The following THSD4 variants were observed in gnomAD, a reference collection of about 807,000 sequenced individuals.
THSD4 encodes the protein thrombospondin type 1 domain containing 4.
A neutral mutation model predicts 119.0 loss-of-function variants in THSD4; 69 were observed. The observed-to-expected ratio is 0.58, with a 90% CI of 0.48 to 0.71. The LOEUF is 0.71. Ranked by LOEUF, THSD4 falls within the 30% of genes least tolerant of loss-of-function variation. The pLI, the probability that THSD4 is intolerant of heterozygous loss-of-function variation, is 0.00. For synonymous variants in THSD4, 524 were observed against 540.4 expected (o/e 0.97, Z 0.42); for missense variants, 1,393 against 1,391.1 (o/e 1.00, Z -0.02).
intron 3 of THSD4, among the ~76,000 whole-genome samples, chr15:71,158,668 GT>G (rs1433171548): frequency 6.8e-6 from 1 of 147,522 alleles, no homozygotes. Context: ...TTTTTTTGAT[GT>G]TGAGTTATTT....
At chr15:71,475,414 C>T (rs1006949868) in intron 7 of THSD4, among the ~76,000 whole-genome samples, 99 of 152,212 alleles carry the variant, frequency 6.5e-4, no homozygotes, top group African/African-American at 2.4e-3. Context: ...CATACCTCTT[C>T]AATGACTATT....
At chr15:71,383,498 T>TA (rs1271718757) in intron 6 of THSD4, among the ~76,000 whole-genome samples, 1 of 152,242 alleles carries the variant, frequency 6.6e-6, no homozygotes, top group Non-Finnish European at 1.5e-5. Context: ...TATATTGCGA[T>TA]ATAAATTTAA....
At chr15:71,435,537 T>C (rs12593944) in intron 7 of THSD4, among the ~76,000 whole-genome samples, 39,805 of 152,184 alleles carry the variant, frequency 0.26, 5,345 homozygotes, top group Middle Eastern at 0.38. Context: ...AAGGCTTTTT[T>C]CATGGAAAGT....
chr15:71,112,058 GC>G, upstream of THSD4: 2 of 1,585,316 alleles, frequency 1.3e-6, no homozygotes. Flanking sequence ...TTCACACGTT[GC>G]TCTTATTCCA....
intron 8 of THSD4, among the ~76,000 whole-genome samples, chr15:71,682,476 C>G (rs2051802923): frequency 6.6e-6 from 1 of 152,182 alleles, no homozygotes; most frequent in Non-Finnish European, 1.5e-5. Flanking sequence ...GAAAGAACCA[C>G]TACCGTGATT....
chr15:71,289,029 T>C (rs149223511), intron 6 of THSD4, among the ~76,000 whole-genome samples: 243 of 152,326 alleles, frequency 1.6e-3, no homozygotes, highest in African/African-American at 5.7e-3. Context: ...GAAGTTGGAA[T>C]GAGAGTTTTA....
chr15:71,133,187 C>T (rs1596215163), intron 1 of THSD4, among the ~76,000 whole-genome samples: 1 of 152,134 alleles, frequency 6.6e-6, no homozygotes, highest in Non-Finnish European at 1.5e-5. Flanking sequence ...GTCTAGGTGT[C>T]TTTGATTCCT....
intron 3 of THSD4, among the ~76,000 whole-genome samples, chr15:71,169,817 G>A (rs1245096814): frequency 6.6e-6 from 1 of 152,186 alleles, no homozygotes; most frequent in African/African-American, 2.4e-5. Context: ...TGGTCTTGGT[G>A]CAGGGAGGGG....
At chr15:71,594,365 C>T (rs184353182) in intron 7 of THSD4, among the ~76,000 whole-genome samples, 6 of 152,100 alleles carry the variant, frequency 3.9e-5, no homozygotes, top group Admixed American at 2.6e-4. Context: ...TTTGCCACCA[C>T]GACTGGCTAA....
At chr15:71,316,209 T>C (rs1333418521) in intron 6 of THSD4, among the ~76,000 whole-genome samples, 1 of 152,202 alleles carries the variant, frequency 6.6e-6, no homozygotes, top group Non-Finnish European at 1.5e-5. Context: ...CTGTCCTCTC[T>C]TCTGGTCTTC....
At chr15:71,587,793 AAAAAAAG>A (rs1342094119) in intron 7 of THSD4, among the ~76,000 whole-genome samples, 932 of 78,910 alleles carry the variant, frequency 0.012, 11 homozygotes, top group African/African-American at 0.032. Flanking sequence ...AAATTAAAAA[AAAAAAAG>A]AAAAAAAAAA....
intron 4 of THSD4, among the ~76,000 whole-genome samples, chr15:71,233,769 G>A (rs1387079524): frequency 1.3e-5 from 2 of 152,182 alleles, no homozygotes; most frequent in Admixed American, 1.3e-4. Flanking sequence ...ACTAGATGTG[G>A]TTCATGAGCC....
At chr15:71,479,669 C>T (rs1339937729) in intron 7 of THSD4, among the ~76,000 whole-genome samples, 3 of 152,114 alleles carry the variant, frequency 2.0e-5, no homozygotes, top group Non-Finnish European at 4.4e-5. Context: ...TTGAAGCATA[C>T]TTCAGCTTTT....
At chr15:71,341,611 C>T (rs2140390168) in intron 6 of THSD4, 2 of 1,593,418 alleles carry the variant, frequency 1.3e-6, no homozygotes, top group Non-Finnish European at 1.7e-6. Flanking sequence ...CCTTGATGGC[C>T]TGAGCAGTTT....
At chr15:71,730,185 C>A (rs779018285) in intron 9 of THSD4, 6 of 152,152 alleles carry the variant, frequency 3.9e-5, no homozygotes, top group African/African-American at 1.2e-4. Flanking sequence ...AGGAAGAAAT[C>A]AAAAACTGCA....
At chr15:71,442,658 G>GTGTGTATGTATGTATGTATATA (rs1403001889) in intron 7 of THSD4, among the ~76,000 whole-genome samples, 3 of 31,344 alleles carry the variant, frequency 9.6e-5, no homozygotes, top group African/African-American at 3.0e-4. Flanking sequence ...GTGTGTGTGT[G>GTGTGTATGTATGTATGTATATA]TGTATATATA....
intron 7 of THSD4, among the ~76,000 whole-genome samples, chr15:71,470,697 G>A (rs1251034079): frequency 1.3e-5 from 2 of 151,506 alleles, no homozygotes; most frequent in Non-Finnish European, 2.9e-5. Context: ...CTGCAGTGGC[G>A]CAATCTCGGC....
At chr15:71,768,126 C>A (rs1255875293) in intron 16 of THSD4, among the ~76,000 whole-genome samples, 1 of 151,886 alleles carries the variant, frequency 6.6e-6, no homozygotes, top group Non-Finnish European at 1.5e-5. Context: ...CACTGGGTAA[C>A]CAAAGAGTAA....
intron 7 of THSD4, among the ~76,000 whole-genome samples, chr15:71,634,205 A>G (rs1461815103): frequency 2.0e-5 from 3 of 150,026 alleles, no homozygotes; most frequent in Non-Finnish European, 3.0e-5. Flanking sequence ...AAAAAAAAAG[A>G]AAAAGAAAAA....
Sources: gnomAD v4.1 joint callset for allele counts (sites outside exome capture counted in the v4.1 genomes callset) on GRCh38, gnomAD v4.1.1 for gene constraint, MANE v1.5 for transcripts, NCBI Gene and HGNC (gene_info 2026-07-23, HGNC 2026-07-21) for gene names.